Variants in PFKM observed in about 807,000 individuals in gnomAD.
The protein encoded by PFKM is phosphofructokinase, muscle.
Under a neutral mutation model 95.5 loss-of-function variants are expected in PFKM, and 58 were observed. The observed-to-expected ratio is 0.61, with a 90% CI of 0.49 to 0.76. The LOEUF is 0.76. Ranked by LOEUF, PFKM falls within the 30% of genes least tolerant of loss-of-function variation. The pLI, the probability that PFKM is intolerant of heterozygous loss-of-function variation, is 0.00. For synonymous variants in PFKM, 336 were observed against 357.2 expected, an observed-to-expected ratio of 0.94 and a Z score of 0.67; for missense variants, 678 against 1,005.4, an observed-to-expected ratio of 0.67 and a Z score of 4.40.
intron 2 of PFKM, chr12:48,107,937 G>A (rs547329429): frequency 1.0e-4 from 75 of 747,068 alleles, no homozygotes; most frequent in African/African-American, 9.5e-4. Flanking sequence ...GGTACATCGC[G>A]TCTCTAATTT....
Position 48,108,039 on chromosome 12 carries a change from C to T in PFKM, c.83-33C>T, listed in dbSNP as rs747878873. On this transcript the variant is annotated intron_variant, in intron 2 of 24. Coordinates refer to the PFKM transcript ENST00000340802. ...GGAACACTCCCTTCCCAGAATCCCA[C>T]CTTGAGGGTGACCTAAAGCTATTGT... The T allele has an allele frequency of 3.1e-6, 5 of 1,597,858 alleles. No individual in the cohort carries two copies. The South Asian group carries it at 3.3e-5, about 11-fold the overall frequency.
chr12:48,141,365 A>G lies in PFKM; in HGVS notation c.1396A>G (p.Lys466Glu). Residue 466 changes from lysine to glutamate, a missense_variant, in exon 15 of 23, where the codon AAA becomes GAA. Transcript: ENST00000359794. ...VGGWTGQGGSKLGTKRTLPKK... is the reference protein window; with the variant it reads ...VGGWTGQGGSELGTKRTLPKK... ...GGGCTGGACTGGCCAAGGTGGCTCT[A>G]AACTTGGGACTAAAAGGTAAGTAGC... 2 of 1,614,050 alleles carry G rather than the reference A, an allele frequency of 1.2e-6. No individual in the cohort carries two copies. The highest frequency in any genetic ancestry group is 1.1e-5 in the South Asian group (1 of 91,088).
chr12:48,122,414 CG>C (rs1948382705), intron 1 of PFKM, among the ~76,000 whole-genome samples: 2 of 152,206 alleles, frequency 1.3e-5, no homozygotes, highest in African/African-American at 2.4e-5. Flanking sequence ...AGGGAGGGAT[CG>C]TTGAGGCTAA....
Position 48,141,331 on chromosome 12 carries a change from C to T in PFKM, c.1362C>T (p.Ser454=). The part of the protein sequence containing the change: ...AKGQIEEAGW[S]YVGGWTGQGG... ...CACAGATAGAGGAAGCTGGCTGGAG[C>T]TATGTTGGGGGCTGGACTGGCCAAG... The change falls in exon 15 of 23, where the codon AGC becomes AGT. Residue 454 remains serine, a synonymous_variant. Transcript: ENST00000359794. The T allele has an allele frequency of 6.2e-7, 1 of 1,614,136 alleles. No homozygotes were observed. Among genetic ancestry groups the T allele is most frequent in the Non-Finnish European group, 8.5e-7 (1 of 1,180,004 alleles).
intron 3 of PFKM, 46 bp downstream of exon 3, chr12:48,130,482 C>A: frequency 7.3e-7 from 1 of 1,368,274 alleles, no homozygotes; most frequent in Non-Finnish European, 1.0e-6. Flanking sequence ...CTGTCTTCTT[C>A]TAAATCTGCC....
chr12:48,141,658 T>C, intron 15 of PFKM, 82 bp from the exon 16 acceptor site: 1 of 1,074,836 alleles, frequency 9.3e-7, no homozygotes, highest in East Asian at 2.4e-5. Flanking sequence ...CCTCTAACTC[T>C]AGCTTTTCTC....
At chr12:48,108,373 G>A (rs1345803452) in intron 3 of PFKM, among the ~76,000 whole-genome samples, 1 of 152,026 alleles carries the variant, frequency 6.6e-6, no homozygotes, top group East Asian at 1.9e-4. Flanking sequence ...AGAGAAAGAG[G>A]GATGGGGAGG....
intron 2 of PFKM, among the ~76,000 whole-genome samples, chr12:48,126,677 A>G (rs1169520594): frequency 6.6e-6 from 1 of 152,212 alleles, no homozygotes; most frequent in Non-Finnish European, 1.5e-5. Flanking sequence ...GCTTGGGAAC[A>G]GGAAACAATG....
At chr12:48,108,075 G>A (rs1166461368) in exon 3 of PFKM, 2 of 1,599,140 alleles carry the variant, frequency 1.3e-6, no homozygotes, top group South Asian at 1.1e-5. Context: ...TTCTCAGCTG[G>A]GGAAGCTTCT....
upstream of PFKM, among the ~76,000 whole-genome samples, chr12:48,117,702 A>G (rs915627188): frequency 4.6e-5 from 7 of 152,320 alleles, no homozygotes; most frequent in South Asian, 6.2e-4. Context: ...CAAACTGTAA[A>G]ACATTTGAAG....
chr12:48,129,226 T>TTTTTTTTTTTTTTTTTTTTTTTTTC (rs1949186676), intron 2 of PFKM, among the ~76,000 whole-genome samples: 1 of 122,304 alleles, frequency 8.2e-6, no homozygotes, highest in Non-Finnish European at 1.7e-5. Context: ...TTTTTTTTTT[T>TTTTTTTTTTTTTTTTTTTTTTTTTC]TTTTTTTTTT....
intron 2 of PFKM, among the ~76,000 whole-genome samples, chr12:48,126,484 A>G (rs1948845556): frequency 1.3e-5 from 2 of 152,310 alleles, no homozygotes; most frequent in South Asian, 4.2e-4. Flanking sequence ...AAGAAGGCAG[A>G]GGGAGAAGAG....
intron 4 of PFKM, chr12:48,132,198 C>G (rs1345751927): frequency 2.5e-6 from 1 of 396,802 alleles, no homozygotes; most frequent in Non-Finnish European, 4.9e-6. Context: ...CCTAAGTATA[C>G]TTACCTCTCT....
chr12:48,122,428 C>G, intron 1 of PFKM: 2 of 373,538 alleles, frequency 5.4e-6, no homozygotes, highest in South Asian at 8.1e-5. Context: ...GAGGCTAACT[C>G]AACTTTTTCT....
At chr12:48,108,451 A>T (rs571354608) in intron 3 of PFKM, among the ~76,000 whole-genome samples, 1 of 152,190 alleles carries the variant, frequency 6.6e-6, no homozygotes, top group African/African-American at 2.4e-5. Flanking sequence ...ACACATCTCT[A>T]TGCAGAATAA....
In PFKM at chr12:48,132,939, C is replaced by G; in HGVS notation, c.309C>G (p.Tyr103Ter). 6.2e-7 allele frequency: 1 copy of G among 1,614,172 alleles called. No individual in the cohort carries two copies. Among genetic ancestry groups the G allele is most frequent in the Non-Finnish European group, 8.5e-7 (1 of 1,180,022 alleles). Residue 103 changes from tyrosine to a stop codon, truncating the protein, a stop_gained, in exon 5 of 23, where the codon TAC (tyrosine) becomes TAG (stop). Coordinates refer to ENST00000359794, the MANE Select transcript of PFKM (RefSeq NM_000289.6). LOFTEE classifies it high-confidence loss of function. Reference protein sequence around the residue: ...REREGRLRAAYNLVKRGITNL... With the variant: ...REREGRLRAA ...GAGAAGGACGACTCCGAGCTGCCTA[C>G]AACCTGGTGAAGCGTGGGATCACCA...
chr12:48,142,088 C>T lies in PFKM; in HGVS notation c.1653+22C>T, dbSNP rs1378295863. On this transcript the variant is annotated intron_variant, in intron 17 of 22. Coordinates refer to ENST00000359794, the MANE Select transcript of PFKM (RefSeq NM_000289.6). ...CACAGTGAGAGCCTATCACCACTTC[C>T]CATCCCTTTTGGCCAGGATTATAAT... 5.6e-6 allele frequency: 9 copies of T among 1,612,400 alleles called. No homozygotes were observed. In the South Asian group the frequency reaches 9.9e-5, roughly 18 times the overall value.
Position 48,140,833 on chromosome 12 carries a change from G to C in PFKM, c.1303G>C (p.Val435Leu). 6.2e-7 allele frequency: 1 copy of C among 1,614,200 alleles called. No individual in the cohort carries two copies. Among genetic ancestry groups the C allele is most frequent in the Non-Finnish European group, 8.5e-7 (1 of 1,180,030 alleles). Residue 435 changes from valine to leucine, a missense_variant, in exon 14 of 23, where the codon GTT (valine) becomes CTT (leucine). Transcript: ENST00000359794. ...IGLIQGNRVL[V>L]VHDGFEGLAK... is the part of the protein sequence containing the mutation. ...CCTTATCCAGGGCAACCGAGTGCTCGTTGTCCATGATGGTTTCGAGGGCCT... is the reference window on the plus strand; with the variant it reads ...CCTTATCCAGGGCAACCGAGTGCTCCTTGTCCATGATGGTTTCGAGGGCCT...
In PFKM at chr12:48,122,815, T is replaced by C. The variant is rs140473672; in HGVS notation, c.41T>C (p.Ile14Thr). 210 of 1,614,116 alleles carry C rather than the reference T, an allele frequency of 1.3e-4. No homozygotes were observed. In the African/African-American group the frequency reaches 2.4e-3, roughly 19 times the overall value. Residue 14 changes from isoleucine (I) to threonine (T), a missense_variant, in exon 2 of 23, where the codon ATT (isoleucine) becomes ACT (threonine). By Grantham distance (89) the Ile-to-Thr change is moderately conservative (BLOSUM62 -1). Transcript: ENST00000359794. ...CACCATGCAGCCAAAACCCTGGGGA[T>C]TGGCAAAGCCATTGCTGTCTTAACC... ...EEHHAAKTLG[I>T]GKAIAVLTSG... is the part of the protein sequence containing the mutation.
Sources: gnomAD v4.1 joint callset for allele counts (sites outside exome capture counted in the v4.1 genomes callset) on GRCh38, gnomAD v4.1.1 for gene constraint, MANE v1.5 for transcripts, NCBI Gene and HGNC (gene_info 2026-07-23, HGNC 2026-07-21) for gene names.